Variants in CDKAL1 observed in about 807,000 individuals in gnomAD.
CDKAL1 encodes threonylcarbamoyladenosine tRNA methylthiotransferase.
In CDKAL1, 32 loss-of-function variants were observed where a neutral mutation model predicts 68.2. The ratio of observed to expected loss-of-function variants is 0.47; its 90% CI spans 0.35 to 0.63. The LOEUF (loss-of-function observed/expected upper bound fraction) is 0.63. Ranked by LOEUF, CDKAL1 falls within the 30% of genes least tolerant of loss-of-function variation. The pLI, the probability that CDKAL1 is intolerant of heterozygous loss-of-function variation, is 0.00. For missense variants in CDKAL1, 606 were observed against 696.7 expected (o/e 0.87, Z 1.47); for synonymous variants, 234 against 244.3 (o/e 0.96, Z 0.39).
chr6:20,789,210 C>CT (rs902931969), intron 8 of CDKAL1, among the ~76,000 whole-genome samples: 59 of 152,222 alleles, frequency 3.9e-4, no homozygotes, highest in African/African-American at 1.4e-3. Flanking sequence ...AATTTGCAGC[C>CT]TTTTTTATGT....
At chr6:20,616,001 C>G (rs1766878331) in intron 4 of CDKAL1, among the ~76,000 whole-genome samples, 1 of 149,970 alleles carries the variant, frequency 6.7e-6, no homozygotes, top group Admixed American at 6.7e-5. Context: ...CTACATATGG[C>G]TAGCCAGTTT....
At chr6:21,193,231 G>GA (rs1778332143) in intron 13 of CDKAL1, among the ~76,000 whole-genome samples, 1 of 152,096 alleles carries the variant, frequency 6.6e-6, no homozygotes, top group Non-Finnish European at 1.5e-5. Flanking sequence ...TGAAAATCAA[G>GA]TTGTTGGTTT....
intron 5 of CDKAL1, among the ~76,000 whole-genome samples, chr6:20,657,979 G>T (rs1281553210): frequency 6.6e-6 from 1 of 150,710 alleles, no homozygotes; most frequent in South Asian, 2.1e-4. Flanking sequence ...AGACCATTTT[G>T]ATTTAGACAA....
chr6:20,684,036 A>G (rs1354646062), intron 5 of CDKAL1, among the ~76,000 whole-genome samples: 2 of 152,134 alleles, frequency 1.3e-5, no homozygotes, highest in African/African-American at 2.4e-5. Flanking sequence ...TCGCGTCTTG[A>G]TGGCCCATTT....
At chr6:20,570,695 CT>C (rs1292607741) in intron 4 of CDKAL1, among the ~76,000 whole-genome samples, 14 of 152,184 alleles carry the variant, frequency 9.2e-5, no homozygotes, top group Non-Finnish European at 2.9e-5. Context: ...ACTGGGTCAG[CT>C]TTTTAGAATG....
intron 5 of CDKAL1, among the ~76,000 whole-genome samples, chr6:20,709,558 TTTTA>T (rs1289531776): frequency 1.3e-5 from 2 of 152,124 alleles, no homozygotes; most frequent in Non-Finnish European, 2.9e-5. Flanking sequence ...CTAGACTCGA[TTTTA>T]CTACTTTATC....
intron 15 of CDKAL1, among the ~76,000 whole-genome samples, chr6:21,225,585 A>T (rs916227746): frequency 6.6e-6 from 1 of 152,150 alleles, no homozygotes; most frequent in Non-Finnish European, 1.5e-5. Flanking sequence ...ATTCCTTCTG[A>T]TAACTTCCTA....
chr6:20,948,895 G>C (rs1021360706), intron 9 of CDKAL1, among the ~76,000 whole-genome samples: 1 of 152,156 alleles, frequency 6.6e-6, no homozygotes, highest in Non-Finnish European at 1.5e-5. Flanking sequence ...ATGGTATTTA[G>C]TTTGTTTTGA....
chr6:21,029,980 A>G (rs1462235357), intron 11 of CDKAL1, among the ~76,000 whole-genome samples: 1 of 152,220 alleles, frequency 6.6e-6, no homozygotes, highest in Non-Finnish European at 1.5e-5. Flanking sequence ...TACTGGGTAT[A>G]TACCCAAAGG....
intron 8 of CDKAL1, among the ~76,000 whole-genome samples, chr6:20,784,330 G>A (rs1031826129): frequency 7.3e-6 from 1 of 137,516 alleles, no homozygotes; most frequent in Non-Finnish European, 1.6e-5. Context: ...CTAAATAGTT[G>A]TTATACTGTA....
Position 20,912,347 on chromosome 6 carries a change from A to G in CDKAL1, c.743-43072A>G, listed in dbSNP as rs941196196. Among the ~76,000 whole-genome samples the G allele has an allele frequency of 4.1e-4, 62 of 152,212 alleles. 2 individuals are homozygous for G. Among genetic ancestry groups the G allele is most frequent in the Non-Finnish European group, 8.8e-5 (6 of 68,008 alleles). ...CCCTGGTCTGCATCCTGGGTTAAGG[A>G]GCCAAGACTCTCTTGAAATGAAGTT... On this transcript the variant is annotated intron_variant, in intron 9 of 15. Transcript: ENST00000274695.
intron 15 of CDKAL1, among the ~76,000 whole-genome samples, chr6:21,213,869 A>G (rs528656583): frequency 6.6e-6 from 1 of 152,330 alleles, no homozygotes; most frequent in African/African-American, 2.4e-5. Flanking sequence ...TCAGATACTT[A>G]TATCCCAATA....
At chr6:21,201,956 T>C (rs1778708556) in intron 15 of CDKAL1, among the ~76,000 whole-genome samples, 1 of 147,576 alleles carries the variant, frequency 6.8e-6, no homozygotes, top group Non-Finnish European at 1.5e-5. Context: ...TGTTAAGCGC[T>C]TAAAAAAAAA....
intron 11 of CDKAL1, among the ~76,000 whole-genome samples, chr6:21,047,977 T>C (rs1181110868): frequency 6.6e-6 from 1 of 152,080 alleles, no homozygotes; most frequent in African/African-American, 2.4e-5. Flanking sequence ...CGGAATTGGG[T>C]GATAATGGAA....
At chr6:20,931,211 GAT>G (rs2150673990) in intron 9 of CDKAL1, among the ~76,000 whole-genome samples, 1 of 152,252 alleles carries the variant, frequency 6.6e-6, no homozygotes, top group South Asian at 2.1e-4. Context: ...TACATTTAAT[GAT>G]ATATATGCAA....
intron 13 of CDKAL1, among the ~76,000 whole-genome samples, chr6:21,120,538 A>G (rs4076112): frequency 0.38 from 57,427 of 152,006 alleles, 11,000 homozygotes; most frequent in South Asian, 0.45. Context: ...TTGTAACCTT[A>G]TCCTAGAGAC....
At chr6:20,951,994 T>C (rs1267779382) in intron 9 of CDKAL1, among the ~76,000 whole-genome samples, 1 of 148,172 alleles carries the variant, frequency 6.7e-6, no homozygotes, top group African/African-American at 2.5e-5. Flanking sequence ...AGTCTTGCTC[T>C]GTCGCCCAGG....
rs1053732512 is a variant in CDKAL1, at chr6:20,881,251, T to C, written c.742+35073T>C. Among the ~76,000 whole-genome samples, 3 of 152,192 alleles carry C rather than the reference T, an allele frequency of 2.0e-5. No homozygotes were observed. The East Asian group carries it at 5.8e-4, about 29-fold the overall frequency. On this transcript the variant is annotated intron_variant, in intron 9 of 15. Transcript: ENST00000274695. The stretch of plus-strand genomic sequence containing the variant: ...CTGGAGTAGAGCTTGAGAATTTGCA[T>C]TTCTGTCAGGTTCCAAGATAATATG...
chr6:21,184,761 C>A (rs1003151392), intron 13 of CDKAL1, among the ~76,000 whole-genome samples: 2 of 152,094 alleles, frequency 1.3e-5, no homozygotes, highest in Non-Finnish European at 2.9e-5. Flanking sequence ...AGCAATCCTC[C>A]CACCTCAGCC....
Sources: allele counts gnomAD v4.1 joint callset (sites outside exome capture counted in the v4.1 genomes callset), GRCh38; gene constraint gnomAD v4.1.1; transcripts MANE v1.5; gene names NCBI Gene and HGNC (gene_info 2026-07-23, HGNC 2026-07-21).